ERAP1: variants seen among roughly 807,000 people sequenced by gnomAD.
ERAP1 encodes the protein adipocyte-derived leucine aminopeptidase.
In ERAP1, 86 loss-of-function variants were observed where a neutral mutation model predicts 103.7. That is an observed-to-expected ratio of 0.83 (90% confidence interval 0.70 to 0.99). The LOEUF is 0.99. Among genes scored for constraint, ERAP1 ranks in the 50% least tolerant of loss-of-function variants. The probability of loss-of-function intolerance (pLI) is 0.00; values close to 1 mark genes in which losing one functional copy is unlikely to be tolerated. For missense variants in ERAP1, 1,009 were observed against 1,128.4 expected, an observed-to-expected ratio of 0.89 and a Z score of 1.52; for synonymous variants, 398 against 402.4, an observed-to-expected ratio of 0.99 and a Z score of 0.13.
At chr5:96,908,994 C>T in the ERAP1 span, 9 of 1,614,076 alleles carry the variant, frequency 5.6e-6, no homozygotes, top group Non-Finnish European at 7.6e-6. Flanking sequence ...AAGCTCTTGA[C>T]ATGACTTACT....
the ERAP1 span, among the ~76,000 whole-genome samples, chr5:96,871,708 T>C: frequency 6.4e-3 from 974 of 152,328 alleles, 10 homozygotes; most frequent in African/African-American, 0.022. Context: ...AGTTGTTCAA[T>C]GTCAAGTTTG....
chr5:96,773,238 C>G (rs1277356454), downstream of ERAP1: 18 of 153,538 alleles, frequency 1.2e-4, no homozygotes, highest in Non-Finnish European at 5.9e-5. Context: ...AGCACCAAAC[C>G]CCTTTTCAGT....
chr5:96,833,837 T>C, the ERAP1 span, among the ~76,000 whole-genome samples: 1 of 151,986 alleles, frequency 6.6e-6, no homozygotes, highest in Admixed American at 6.6e-5. Flanking sequence ...ATGTGAATTC[T>C]GACAGGATTT....
At chr5:96,850,772 C>A in the ERAP1 span, among the ~76,000 whole-genome samples, 1 of 152,112 alleles carries the variant, frequency 6.6e-6, no homozygotes, top group East Asian at 1.9e-4. Flanking sequence ...ATAAAAATAA[C>A]TTTTAAAAAA....
At position 96,783,031 on chromosome 5, in the gene ERAP1, G is replaced by A; in HGVS notation, c.2285+20C>T. 1.2e-6 allele frequency: 2 copies of A among 1,613,106 alleles called. No homozygotes were observed. The highest frequency in any genetic ancestry group is 1.1e-5 in the South Asian group (1 of 91,046). On this transcript the variant is annotated intron_variant, in intron 15 of 18. Coordinates refer to ENST00000443439, the MANE Select transcript of ERAP1 (RefSeq NM_001040458.3). ...AGATGCCCTTCACATCAACAAATTG[G>A]TTATTTAGTAAGGACTGACCTCAAG... is the stretch of plus-strand genomic sequence containing the variant.
At chr5:96,897,116 C>A in the ERAP1 span, among the ~76,000 whole-genome samples, 1 of 152,170 alleles carries the variant, frequency 6.6e-6, no homozygotes, top group Non-Finnish European at 1.5e-5. Flanking sequence ...TAATCCTACA[C>A]TTTTATGTTC....
At chr5:96,930,514 AGT>A in the ERAP1 span, among the ~76,000 whole-genome samples, 4,909 of 152,168 alleles carry the variant, frequency 0.032, 151 homozygotes, top group South Asian at 0.088. Context: ...CCTCCCTCAG[AGT>A]GTCTGTTTCT....
the ERAP1 span, among the ~76,000 whole-genome samples, chr5:96,864,209 T>C: frequency 1.3e-5 from 2 of 152,198 alleles, no homozygotes; most frequent in Admixed American, 1.3e-4. Context: ...GTTACCACTT[T>C]CCTTGTACTT....
chr5:96,773,533 G>A (rs1033435464), downstream of ERAP1: 2 of 152,210 alleles, frequency 1.3e-5, no homozygotes, highest in Admixed American at 1.3e-4. Context: ...CCTTTGCACT[G>A]TATAGCGTCT....
intron 14 of ERAP1, 68 bp downstream of exon 14, chr5:96,783,843 ACACACACACACAT>A: frequency 4.7e-6 from 2 of 422,668 alleles, no homozygotes; most frequent in Non-Finnish European, 6.4e-6. Context: ...ACACACACAC[ACACACACACACAT>A]ACACACACAA....
the ERAP1 span, among the ~76,000 whole-genome samples, chr5:96,858,579 G>C: frequency 6.6e-6 from 1 of 152,132 alleles, no homozygotes; most frequent in Non-Finnish European, 1.5e-5. Flanking sequence ...ATTCAACTTG[G>C]GGATTTATGC....
chr5:96,889,766 C>G, the ERAP1 span, among the ~76,000 whole-genome samples: 1 of 152,042 alleles, frequency 6.6e-6, no homozygotes, highest in African/African-American at 2.4e-5. Flanking sequence ...ACACACCTCC[C>G]ATCGTGCTGC....
In ERAP1 at chr5:96,775,082, T is replaced by TAAGTC. The variant is rs1449931210; in HGVS notation, c.*1309_*1313dup. On this transcript the variant is annotated 3_prime_UTR_variant, in exon 19 of 19. Transcript: ENST00000443439. ...GCAACAGAGCACACTATGGGTTAGATAAGTCCCTGTGTAGCAAGTTTTCAG... is the reference window on the plus strand; with the variant it reads ...GCAACAGAGCACACTATGGGTTAGATAAGTCAAGTCCCTGTGTAGCAAGTTTTCAG... The TAAGTC allele has an allele frequency of 3.0e-6, 3 of 985,404 alleles. No homozygotes were observed. Among genetic ancestry groups the TAAGTC allele is most frequent in the African/African-American group, 3.5e-5 (2 of 57,236 alleles). The allele number at this position is 985,404 out of a possible 1,614,324, so 61.0% of individuals were successfully genotyped here. A position where few individuals can be genotyped will look rare whatever the true frequency, so the allele number is the denominator to read the frequency against.
At chr5:96,870,020 A>G in the ERAP1 span, among the ~76,000 whole-genome samples, 1 of 152,336 alleles carries the variant, frequency 6.6e-6, no homozygotes, top group East Asian at 1.9e-4. Context: ...AGATTCTAGA[A>G]AAGTTGGAAA....
At chr5:96,913,369 G>A in the ERAP1 span, 10 of 1,614,026 alleles carry the variant, frequency 6.2e-6, no homozygotes, top group South Asian at 1.1e-4. Context: ...GAACTTGGCA[G>A]CTCTCCTTCA....
chr5:96,802,015 A>G (rs1778063934), intron 2 of ERAP1, among the ~76,000 whole-genome samples: 1 of 152,140 alleles, frequency 6.6e-6, no homozygotes, highest in African/African-American at 2.4e-5. Context: ...ACGTAAATTA[A>G]AAAGAGATCA....
the ERAP1 span, among the ~76,000 whole-genome samples, chr5:96,872,104 T>C: frequency 6.6e-6 from 1 of 152,142 alleles, no homozygotes; most frequent in Non-Finnish European, 1.5e-5. Flanking sequence ...CAATAATTCT[T>C]AGAAGTATTT....
At chr5:96,874,146 G>GAAAGAA in the ERAP1 span, among the ~76,000 whole-genome samples, 6 of 101,674 alleles carry the variant, frequency 5.9e-5, no homozygotes, top group South Asian at 1.9e-3. Context: ...GAGAAAGAAA[G>GAAAGAA]AAAGAAAGAA....
At chr5:96,906,144 G>A in the ERAP1 span, among the ~76,000 whole-genome samples, 1 of 151,764 alleles carries the variant, frequency 6.6e-6, no homozygotes, top group Non-Finnish European at 1.5e-5. Flanking sequence ...TCCAAGGGCT[G>A]TCTCCAGAGC....
Sources: allele counts gnomAD v4.1 joint callset (sites outside exome capture counted in the v4.1 genomes callset), GRCh38; gene constraint gnomAD v4.1.1; transcripts MANE v1.5; gene names NCBI Gene and HGNC (gene_info 2026-07-23, HGNC 2026-07-21).